The following SMARCA2 variants were observed in gnomAD, a reference collection of about 807,000 sequenced individuals.
SMARCA2 encodes the protein SWI/SNF related BAF chromatin remodeling complex subunit ATPase 2.
A neutral mutation model predicts 199.8 loss-of-function variants in SMARCA2; 61 were observed. That is an observed-to-expected ratio of 0.31 (90% CI 0.25 to 0.38). The LOEUF is 0.38. Ranked by LOEUF, SMARCA2 falls within the 10% of genes least tolerant of loss-of-function variation. The pLI is 1.00. For missense variants in SMARCA2, 1,344 were observed against 2,012.2 expected, an observed-to-expected ratio of 0.67 and a Z score of 6.35; for synonymous variants, 935 against 732.0, an observed-to-expected ratio of 1.28 and a Z score of -4.48.
intron 29 of SMARCA2, among the ~76,000 whole-genome samples, chr9:2,173,403 G>T (rs1289486098): frequency 6.6e-6 from 1 of 152,178 alleles, no homozygotes; most frequent in African/African-American, 2.4e-5. Context: ...AGAGCGAGAG[G>T]CTGTAATGAT....
chr9:2,166,101 C>T (rs1825918824), intron 28 of SMARCA2, among the ~76,000 whole-genome samples: 1 of 152,236 alleles, frequency 6.6e-6, no homozygotes, highest in African/African-American at 2.4e-5. Flanking sequence ...AATAAATCTG[C>T]TCTCATTCTG....
chr9:2,108,188 G>A lies in SMARCA2; in HGVS notation c.3293-2066G>A, dbSNP rs181714588. On this transcript the variant is annotated intron_variant, in intron 23 of 33. Coordinates refer to ENST00000349721, the MANE Select transcript of SMARCA2 (RefSeq NM_003070.5). Reference sequence around the variant, plus strand: ...ACTTGCGCTCAGGCCCAGTTTAAGGGCCAGTGGTGTCAACGGGTTTGAACT... The same window carrying A: ...ACTTGCGCTCAGGCCCAGTTTAAGGACCAGTGGTGTCAACGGGTTTGAACT... Among the ~76,000 whole-genome samples the A allele has an allele frequency of 3.2e-3, 485 of 152,304 alleles. 4 individuals carry two copies. Among genetic ancestry groups the A allele is most frequent in the African/African-American group, 0.011 (452 of 41,554 alleles).
intron 19 of SMARCA2, among the ~76,000 whole-genome samples, chr9:2,093,889 G>A (rs937206005): frequency 2.6e-5 from 4 of 152,306 alleles, no homozygotes; most frequent in African/African-American, 9.6e-5. Flanking sequence ...TAATATTAGT[G>A]CATGCATATA....
intron 31 of SMARCA2, 82 bp downstream of exon 31, chr9:2,182,324 C>A: frequency 2.4e-6 from 2 of 827,958 alleles, no homozygotes; most frequent in Non-Finnish European, 4.0e-6. Context: ...TCATTTTCTA[C>A]CTCTTGAATC....
rs1821384880 is a variant in SMARCA2 at position 2,077,623 on chromosome 9, T to C, written c.2037-6T>C. On this transcript the variant is annotated splice_region_variant and splice_polypyrimidine_tract_variant and intron_variant, in intron 13 of 33. Transcript: ENST00000349721. ...GTGTGTGATTCTCCACTTTTTCCTTTCCCAGGACAGCTAAGCAAGACGTGG... is the reference window on the plus strand; with the variant it reads ...GTGTGTGATTCTCCACTTTTTCCTTCCCCAGGACAGCTAAGCAAGACGTGG... 2.5e-6 allele frequency: 4 copies of C among 1,612,994 alleles called. No homozygotes were observed. The highest frequency in any genetic ancestry group is 2.7e-5 in the African/African-American group (2 of 74,892).
chr9:2,076,464 T>A (rs539976793), intron 13 of SMARCA2, 135 bp downstream of exon 13: 1 of 620,072 alleles, frequency 1.6e-6, no homozygotes, highest in South Asian at 2.1e-5. Flanking sequence ...CTCCTAGAGG[T>A]CACCACTGAG....
chr9:2,092,676 C>T (rs569056781), intron 19 of SMARCA2, among the ~76,000 whole-genome samples: 1 of 152,258 alleles, frequency 6.6e-6, no homozygotes, highest in Non-Finnish European at 1.5e-5. Context: ...CCAGTTAGGC[C>T]ATTTACTAAC....
intron 1 of SMARCA2, among the ~76,000 whole-genome samples, chr9:2,019,991 C>T (rs913026160): frequency 1.3e-5 from 2 of 152,082 alleles, no homozygotes; most frequent in East Asian, 3.8e-4. Context: ...AGGACTGTTT[C>T]CCAGCATTTG....
Position 2,077,611 on chromosome 9 carries a change from C to A in SMARCA2, c.2037-18C>A. ...ACGCACATGTCTGTGTGTGATTCTC[C>A]ACTTTTTCCTTTCCCAGGACAGCTA... On this transcript the variant is annotated intron_variant, in intron 13 of 33. Transcript: ENST00000349721. 6.2e-7 allele frequency: 1 copy of A among 1,611,014 alleles called. No homozygotes were observed. The highest frequency in any genetic ancestry group is 1.1e-5 in the South Asian group (1 of 90,894).
At chr9:2,152,083 C>T (rs1278589084) in intron 27 of SMARCA2, among the ~76,000 whole-genome samples, 1 of 152,154 alleles carries the variant, frequency 6.6e-6, no homozygotes, top group African/African-American at 2.4e-5. Flanking sequence ...TTCATTGTCT[C>T]AGAAGTCACC....
chr9:2,080,261 T>G (rs1821508446), intron 14 of SMARCA2: 1 of 152,240 alleles, frequency 6.6e-6, no homozygotes, highest in Non-Finnish European at 1.5e-5. Flanking sequence ...GAGAGCCACA[T>G]AAGCTTGGTT....
Position 2,039,421 on chromosome 9 carries a change from G to C in SMARCA2, c.356-45G>C, listed in dbSNP as rs371392379. On this transcript the variant is annotated intron_variant, in intron 3 of 33. Transcript: ENST00000349721. The surrounding 1 kb of genome is among the most constrained non-coding windows in gnomAD (Gnocchi z 4.8). The stretch of plus-strand genomic sequence containing the variant: ...GTATTCAGGGATATCTCTCTTTCAG[G>C]GTTGTCAGGGGCAGCCTGTGATTTC... 3 of 1,578,392 alleles carry C rather than the reference G, an allele frequency of 1.9e-6. No homozygotes were observed. Among genetic ancestry groups the C allele is most frequent in the South Asian group, 2.3e-5 (2 of 86,352 alleles).
chr9:2,047,098 C>A, intron 4 of SMARCA2, 131 bp from the exon 5 acceptor site: 5 of 568,430 alleles, frequency 8.8e-6, no homozygotes, highest in African/African-American at 2.1e-5. Flanking sequence ...TTTTTTTTTC[C>A]TTCTCTTCCC....
chr9:2,125,291 G>C (rs1488298794), intron 27 of SMARCA2, among the ~76,000 whole-genome samples: 2 of 152,144 alleles, frequency 1.3e-5, no homozygotes, highest in African/African-American at 4.8e-5. Flanking sequence ...AAATATTCCA[G>C]TGACCTCAGA....
chr9:2,087,223 G>A (rs1038219113), intron 18 of SMARCA2, 152 bp downstream of exon 18: 3 of 885,600 alleles, frequency 3.4e-6, no homozygotes, highest in African/African-American at 3.4e-5. Flanking sequence ...ACATGGTCTT[G>A]TGGTGGGGTT....
At chr9:2,023,157 CA>C (rs1249136253) in intron 1 of SMARCA2, among the ~76,000 whole-genome samples, 1 of 152,134 alleles carries the variant, frequency 6.6e-6, no homozygotes, top group Non-Finnish European at 1.5e-5. Flanking sequence ...TGTTAAGAGC[CA>C]GGATCCTATT....
intron 4 of SMARCA2, chr9:2,045,176 A>G (rs1340867557): frequency 1.3e-5 from 2 of 152,218 alleles, no homozygotes; most frequent in Non-Finnish European, 2.9e-5. Flanking sequence ...CACTTTGAGA[A>G]CTAAATTTAA....
intron 9 of SMARCA2, among the ~76,000 whole-genome samples, chr9:2,065,774 G>A (rs919778336): frequency 6.6e-6 from 1 of 152,106 alleles, no homozygotes; most frequent in African/African-American, 2.4e-5. Context: ...GATTTTCATA[G>A]ATGAAAGAAA....
chr9:2,187,761 C>CAAAGT (rs1304986316), intron 32 of SMARCA2, among the ~76,000 whole-genome samples: 4 of 152,070 alleles, frequency 2.6e-5, no homozygotes, highest in South Asian at 2.1e-4. Context: ...GTATACCTCT[C>CAAAGT]AAAGTAAAGT....
Sources: allele counts gnomAD v4.1 joint callset (sites outside exome capture counted in the v4.1 genomes callset), GRCh38; gene constraint gnomAD v4.1.1; non-coding constraint Gnocchi (gnomAD v3.1); transcripts MANE v1.5; gene names NCBI Gene and HGNC (gene_info 2026-07-23, HGNC 2026-07-21).